The following OR3A2 variants were observed in gnomAD, a reference collection of about 807,000 sequenced individuals.
OR3A2 encodes olfactory receptor family 3 subfamily A member 2.
For missense variants in OR3A2, 318 were observed against 392.8 expected, an observed-to-expected ratio of 0.81 and a Z score of 1.61; for synonymous variants, 126 against 159.3, an observed-to-expected ratio of 0.79 and a Z score of 1.57.
chr17:3,363,940 A>G (rs1442334833), intron 2 of OR3A2, among the ~76,000 whole-genome samples: 3 of 152,194 alleles, frequency 2.0e-5, no homozygotes, highest in Non-Finnish European at 2.9e-5. Context: ...AACTCACTCA[A>G]TATCATGAGA....
At chr17:3,343,731 A>G (rs2049340020) in intron 2 of OR3A2, among the ~76,000 whole-genome samples, 2 of 152,184 alleles carry the variant, frequency 1.3e-5, no homozygotes, top group Non-Finnish European at 2.9e-5. Flanking sequence ...TGTTCATTCA[A>G]TGAAAGCTTG....
intron 2 of OR3A2, among the ~76,000 whole-genome samples, chr17:3,369,791 C>T (rs1597361716): frequency 7.1e-6 from 1 of 141,720 alleles, no homozygotes. Context: ...TGAATGGTTT[C>T]CGTTAGATTG....
chr17:3,348,154 C>T (rs1244228456), intron 2 of OR3A2, among the ~76,000 whole-genome samples: 4 of 152,032 alleles, frequency 2.6e-5, no homozygotes, highest in Admixed American at 2.6e-4. Context: ...AGCCCGTTGT[C>T]AGATGAGTAG....
chr17:3,338,320 G>C (rs550395603), intron 2 of OR3A2, among the ~76,000 whole-genome samples: 1 of 152,084 alleles, frequency 6.6e-6, no homozygotes, highest in South Asian at 2.1e-4. Flanking sequence ...CATTGCTTTT[G>C]GTGTTTCAGT....
chr17:3,307,719 A>T (rs533900658), intron 3 of OR3A2, among the ~76,000 whole-genome samples: 1 of 152,160 alleles, frequency 6.6e-6, no homozygotes, highest in Non-Finnish European at 1.5e-5. Flanking sequence ...CTAGAAGAGA[A>T]GCCGGGCTTG....
At chr17:3,335,742 T>A (rs575489644) in intron 3 of OR3A2, among the ~76,000 whole-genome samples, 2 of 152,184 alleles carry the variant, frequency 1.3e-5, no homozygotes, top group Non-Finnish European at 2.9e-5. Flanking sequence ...ATTTTATAGA[T>A]GAAGAAAGCC....
At chr17:3,278,995 C>T (rs2048761523) in intron 1 of OR3A2, 72 bp from the exon 5 acceptor site, 1 of 1,562,900 alleles carries the variant, frequency 6.4e-7, no homozygotes, top group Non-Finnish European at 8.7e-7. Flanking sequence ...ATATTTTAAA[C>T]CATTTATGTT....
At chr17:3,375,365 C>T (rs144013572) in intron 2 of OR3A2, among the ~76,000 whole-genome samples, 5 of 147,404 alleles carry the variant, frequency 3.4e-5, no homozygotes, top group Non-Finnish European at 7.4e-5. Flanking sequence ...TGCAGTGCCA[C>T]GATCTCAATT....
At chr17:3,370,970 A>T (rs1369343797) in intron 2 of OR3A2, among the ~76,000 whole-genome samples, 4 of 152,104 alleles carry the variant, frequency 2.6e-5, no homozygotes, top group African/African-American at 9.7e-5. Context: ...CAGGATAAGA[A>T]TTTTTCTTAG....
In OR3A2 at chr17:3,295,181, C is replaced by T. The variant is rs28498314; in HGVS notation, c.-84-16028G>A. Among the ~76,000 whole-genome samples, 555 of 151,956 alleles carry T rather than the reference C, an allele frequency of 3.7e-3. 5 individuals are homozygous for T. The highest frequency in any genetic ancestry group is 0.013 in the African/African-American group (531 of 41,506). On this transcript the variant is annotated intron_variant, in intron 3 of 4. Coordinates refer to the OR3A2 transcript ENST00000573491. ...TTAGCAAAAAAAGGAGATAGGAGGA[C>T]GTATGTGTTGATTTCCTCATCTTCT...
At chr17:3,369,647 G>A (rs2049594831) in intron 2 of OR3A2, among the ~76,000 whole-genome samples, 1 of 151,810 alleles carries the variant, frequency 6.6e-6, no homozygotes, top group Non-Finnish European at 1.5e-5. Flanking sequence ...ATTTTGTTGA[G>A]GATTTTTGCA....
intron 1 of OR3A2, among the ~76,000 whole-genome samples, chr17:3,282,870 TC>T (rs377170344): frequency 7.2e-5 from 11 of 152,322 alleles, no homozygotes; most frequent in African/African-American, 2.6e-4. Flanking sequence ...CATGCTGTTT[TC>T]CCCACCTGCA....
intron 3 of OR3A2, among the ~76,000 whole-genome samples, chr17:3,306,030 G>T (rs1458504976): frequency 2.6e-5 from 4 of 152,198 alleles, no homozygotes; most frequent in Non-Finnish European, 5.9e-5. Flanking sequence ...AGGTGAAGAG[G>T]AGCATTTGGT....
rs535310452 is a variant in OR3A2, at chr17:3,384,862, C to A, written c.-274-963G>T. Reference sequence around the variant, plus strand: ...GCAACAAGACCATATGGACCACAAGCCTAAAATATTAACTATATGATTCTT... The same window carrying A: ...GCAACAAGACCATATGGACCACAAGACTAAAATATTAACTATATGATTCTT... On this transcript the variant is annotated intron_variant, in intron 1 of 4. Transcript: ENST00000573491. Among the ~76,000 whole-genome samples, 37 of 152,106 alleles carry A rather than the reference C, an allele frequency of 2.4e-4. No individual in the cohort carries two copies. The Middle Eastern group carries it at 0.01, about 42-fold the overall frequency.
intron 2 of OR3A2, among the ~76,000 whole-genome samples, chr17:3,349,165 A>G (rs961242263): frequency 1.3e-5 from 2 of 152,130 alleles, no homozygotes; most frequent in African/African-American, 4.8e-5. Flanking sequence ...TGACAAGATC[A>G]AATTCACACA....
rs2625457 is a variant in OR3A2, at chr17:3,308,948, C to T, written c.-85+27085G>A. Among the ~76,000 whole-genome samples, 964 of 152,150 alleles carry T rather than the reference C, an allele frequency of 6.3e-3. 10 individuals carry two copies. Among genetic ancestry groups the T allele is most frequent in the African/African-American group, 0.021 (855 of 41,506 alleles). Reference sequence around the variant, plus strand: ...TGAGACTGAGTCTCGCTCTGTCACCCAGGCTAGAGTACAGTGGCGCTGTCT... The same window carrying T: ...TGAGACTGAGTCTCGCTCTGTCACCTAGGCTAGAGTACAGTGGCGCTGTCT... On this transcript the variant is annotated intron_variant, in intron 3 of 4. Transcript: ENST00000573491.
intron 2 of OR3A2, among the ~76,000 whole-genome samples, chr17:3,373,309 C>A (rs2049649386): frequency 6.6e-6 from 1 of 152,194 alleles, no homozygotes; most frequent in African/African-American, 2.4e-5. Context: ...TCCGTTAAGT[C>A]CAGTTGCTCT....
intron 2 of OR3A2, among the ~76,000 whole-genome samples, chr17:3,352,560 G>C (rs975237086): frequency 3.3e-5 from 5 of 151,290 alleles, no homozygotes; most frequent in Admixed American, 2.6e-4. Flanking sequence ...TGAGTTCACT[G>C]TAGGAGTGTT....
upstream of OR3A2, among the ~76,000 whole-genome samples, chr17:3,288,413 G>C (rs558467630): frequency 5.9e-5 from 9 of 152,202 alleles, no homozygotes; most frequent in Admixed American, 2.0e-4. Flanking sequence ...ATTTCATATA[G>C]CCTAGGTGTT....
Sources: gnomAD v4.1 joint callset for allele counts (sites outside exome capture counted in the v4.1 genomes callset) on GRCh38, gnomAD v4.1.1 for gene constraint, MANE v1.5 for transcripts, NCBI Gene and HGNC (gene_info 2026-07-23, HGNC 2026-07-21) for gene names.